PTPRD: variants seen among roughly 807,000 people sequenced by gnomAD.
The protein encoded by PTPRD is protein tyrosine phosphatase receptor type D.
Under a neutral mutation model 214.5 loss-of-function variants are expected in PTPRD, and 34 were observed. The observed-to-expected ratio is 0.16, with a 90% confidence interval of 0.12 to 0.21. PTPRD has a LOEUF of 0.21. Ranked by LOEUF, PTPRD falls within the 10% of genes least tolerant of loss-of-function variation. The pLI is 1.00. For missense variants in PTPRD, 2,545 were observed against 2,398.7 expected (o/e 1.06, Z -1.27); for synonymous variants, 1,128 against 845.7 (o/e 1.33, Z -5.79).
At chr9:8,618,749 T>A (rs545317334) in intron 14 of PTPRD, among the ~76,000 whole-genome samples, 3 of 152,048 alleles carry the variant, frequency 2.0e-5, no homozygotes, top group South Asian at 2.1e-4. Flanking sequence ...CAGGCTAGAA[T>A]GCAGTGGTGC....
At chr9:8,909,861 A>G (rs1339560708) in intron 11 of PTPRD, among the ~76,000 whole-genome samples, 1 of 85,680 alleles carries the variant, frequency 1.2e-5, no homozygotes, top group African/African-American at 3.4e-5. Flanking sequence ...GAGAGATATT[A>G]AAGGCAAAAA....
intron 11 of PTPRD, chr9:8,860,874 C>T (rs920536807): frequency 3.3e-5 from 5 of 152,196 alleles, no homozygotes; most frequent in African/African-American, 9.7e-5. Flanking sequence ...CCAGTGCCCT[C>T]CATCCCACCA....
At chr9:8,812,739 T>C (rs1236961229) in intron 11 of PTPRD, among the ~76,000 whole-genome samples, 1 of 151,718 alleles carries the variant, frequency 6.6e-6, no homozygotes, top group Non-Finnish European at 1.5e-5. Flanking sequence ...CGGTGGGGCT[T>C]GAAGGCTAAT....
intron 3 of PTPRD, among the ~76,000 whole-genome samples, chr9:10,064,061 C>A (rs1224514878): frequency 6.6e-6 from 1 of 151,272 alleles, no homozygotes; most frequent in Non-Finnish European, 1.5e-5. Context: ...TAATGAATAT[C>A]CTTCCTTTGT....
At chr9:8,842,741 A>G (rs2097583411) in intron 11 of PTPRD, among the ~76,000 whole-genome samples, 1 of 152,194 alleles carries the variant, frequency 6.6e-6, no homozygotes, top group Non-Finnish European at 1.5e-5. Flanking sequence ...CATTAATTAC[A>G]TGTGACATTG....
At chr9:10,438,252 G>A (rs2098735448) in intron 2 of PTPRD, among the ~76,000 whole-genome samples, 1 of 151,424 alleles carries the variant, frequency 6.6e-6, no homozygotes, top group South Asian at 2.1e-4. Context: ...TCTAATTAAT[G>A]ATGGAGGTAA....
At chr9:10,403,336 T>C in intron 2 of PTPRD, among the ~76,000 whole-genome samples, 1 of 147,864 alleles carries the variant, frequency 6.8e-6, no homozygotes, top group East Asian at 2.0e-4. Flanking sequence ...AATGAAAATC[T>C]AAGTACACAG....
intron 10 of PTPRD, among the ~76,000 whole-genome samples, chr9:9,068,524 A>G (rs1206403593): frequency 6.6e-6 from 1 of 152,134 alleles, no homozygotes. Flanking sequence ...TATTTTAATA[A>G]CTGCTTTTGT....
At chr9:9,061,835 G>T (rs538919452) in intron 10 of PTPRD, among the ~76,000 whole-genome samples, 1 of 151,998 alleles carries the variant, frequency 6.6e-6, no homozygotes, top group South Asian at 2.1e-4. Flanking sequence ...CTATCCTCCT[G>T]TAGAGAGGCA....
At chr9:10,504,195 C>T (rs917406825) in intron 2 of PTPRD, among the ~76,000 whole-genome samples, 4 of 142,138 alleles carry the variant, frequency 2.8e-5, no homozygotes, top group South Asian at 4.7e-4. Flanking sequence ...AAGCCAAAGG[C>T]GGTAACTATT....
At chr9:9,543,309 A>G (rs181509363) in intron 8 of PTPRD, among the ~76,000 whole-genome samples, 1 of 151,846 alleles carries the variant, frequency 6.6e-6, no homozygotes, top group East Asian at 1.9e-4. Flanking sequence ...TTAGAGTTGT[A>G]GAATTGATTA....
intron 2 of PTPRD, among the ~76,000 whole-genome samples, chr9:10,485,837 A>G (rs2099129014): frequency 1.3e-5 from 2 of 152,082 alleles, no homozygotes; most frequent in South Asian, 2.1e-4. Context: ...TCCTGCATAC[A>G]ATTGAAATAG....
At chr9:10,597,076 TATATATATTTCAC>T (rs1211325453) in intron 2 of PTPRD, among the ~76,000 whole-genome samples, 39 of 151,410 alleles carry the variant, frequency 2.6e-4, no homozygotes, top group African/African-American at 3.4e-4. Flanking sequence ...TTTCCATATA[TATATATATTTCAC>T]ATATATATTT....
At chr9:9,189,349 T>A (rs2099933691) in intron 9 of PTPRD, among the ~76,000 whole-genome samples, 1 of 152,098 alleles carries the variant, frequency 6.6e-6, no homozygotes, top group Non-Finnish European at 1.5e-5. Context: ...GCTAACGTAG[T>A]AGTTAACTGC....
At chr9:10,037,656 G>C (rs1378297448) in intron 3 of PTPRD, among the ~76,000 whole-genome samples, 1 of 149,044 alleles carries the variant, frequency 6.7e-6, no homozygotes, top group Admixed American at 6.7e-5. Context: ...GTTTAACCAA[G>C]ACAAGTTCTC....
chr9:9,205,817 G>A (rs973537106), intron 9 of PTPRD, among the ~76,000 whole-genome samples: 18 of 152,246 alleles, frequency 1.2e-4, no homozygotes, highest in Non-Finnish European at 5.9e-5. Flanking sequence ...TGTACATGCA[G>A]CAGTTAACTT....
At chr9:8,322,038 G>A (rs1828879947) in intron 44 of PTPRD, among the ~76,000 whole-genome samples, 2 of 152,014 alleles carry the variant, frequency 1.3e-5, no homozygotes, top group Non-Finnish European at 2.9e-5. Flanking sequence ...GATCTTTGAT[G>A]TTACTACTGC....
At chr9:10,360,496 TC>T (rs1202605971) in intron 2 of PTPRD, among the ~76,000 whole-genome samples, 1 of 152,200 alleles carries the variant, frequency 6.6e-6, no homozygotes, top group African/African-American at 2.4e-5. Context: ...CTCCTTCTCT[TC>T]CACTTTGCAA....
At chr9:10,510,561 A>G (rs1488181619) in intron 2 of PTPRD, among the ~76,000 whole-genome samples, 1 of 151,980 alleles carries the variant, frequency 6.6e-6, no homozygotes, top group Non-Finnish European at 1.5e-5. Context: ...CTTTTTGTGT[A>G]TTTTTAATTT....
Sources: allele counts gnomAD v4.1 joint callset (sites outside exome capture counted in the v4.1 genomes callset), GRCh38; gene constraint gnomAD v4.1.1; transcripts MANE v1.5; gene names NCBI Gene and HGNC (gene_info 2026-07-23, HGNC 2026-07-21).